The following INPP5D variants were observed in gnomAD, a reference collection of about 807,000 sequenced individuals.
The protein encoded by INPP5D is phosphatidylinositol 3,4,5-trisphosphate 5-phosphatase 1.
A neutral mutation model predicts 122.9 loss-of-function variants in INPP5D; 33 were observed. The ratio of observed to expected loss-of-function variants is 0.27; its 90% CI spans 0.20 to 0.36. INPP5D has a LOEUF of 0.36. INPP5D is among the 10% of genes least tolerant of loss of function. The probability of loss-of-function intolerance (pLI) is 1.00; values close to 1 mark genes in which losing one functional copy is unlikely to be tolerated. For synonymous variants in INPP5D, 584 were observed against 576.2 expected (o/e 1.01, Z -0.19); for missense variants, 1,053 against 1,412.7 (o/e 0.75, Z 4.08).
intron 18 of INPP5D, among the ~76,000 whole-genome samples, chr2:233,178,335 A>C (rs1694698104): frequency 6.6e-6 from 1 of 152,156 alleles, no homozygotes; most frequent in Non-Finnish European, 1.5e-5. Context: ...AGGAGTTCTT[A>C]ATTGCCTGAA....
chr2:233,204,304 G>A lies in INPP5D; in HGVS notation c.3154G>A (p.Glu1052Lys). The change falls in exon 26 of 27, where the codon GAA (glutamate) becomes AAA (lysine). Residue 1052 changes from glutamate (E) to lysine (K), a missense_variant. By Grantham distance (56) the Glu-to-Lys change is moderately conservative. This residue lies in a region of INPP5D where 417 missense variants were observed against 425.8 expected (regional missense o/e 0.98). Transcript: ENST00000445964. ...GCGGAAGGAACCCCCGCCCTGCCCG[G>A]AACCCGGCATCTTGTCGCCCAGCAT... ...MPRKEPPPCP[E>K]PGILSPSIVL... 1 of 1,612,518 alleles carries A rather than the reference G, an allele frequency of 6.2e-7. No homozygotes were observed.
intron 18 of INPP5D, among the ~76,000 whole-genome samples, chr2:233,179,266 ACT>A (rs1233155482): frequency 5.9e-5 from 9 of 151,904 alleles, no homozygotes; most frequent in African/African-American, 2.2e-4. Flanking sequence ...CACCCGTCGG[ACT>A]CTCCAGGCCT....
chr2:233,149,100 CTTTTTTT>C (rs556971192), intron 9 of INPP5D, among the ~76,000 whole-genome samples: 1 of 106,040 alleles, frequency 9.4e-6, no homozygotes, highest in Non-Finnish European at 1.8e-5. Context: ...TGATCAGCAC[CTTTTTTT>C]TTTTTTTTTT....
rs113797696 is a variant in INPP5D at position 233,094,608 on chromosome 2, C to T, written c.198+15210C>T. Among the ~76,000 whole-genome samples, 543 of 149,922 alleles carry T rather than the reference C, an allele frequency of 3.6e-3. 2 individuals carry two copies. Among genetic ancestry groups the T allele is most frequent in the African/African-American group, 0.013 (510 of 40,704 alleles). ...AGGCTCACATTACATTTTCACTGGGCATCATTGCTCTAGAACCTTGCTGCT... is the reference window on the plus strand; with the variant it reads ...AGGCTCACATTACATTTTCACTGGGTATCATTGCTCTAGAACCTTGCTGCT... On this transcript the variant is annotated intron_variant, in intron 2 of 26. Transcript: ENST00000445964.
chr2:233,145,019 G>T (rs1344265700), intron 6 of INPP5D, among the ~76,000 whole-genome samples: 1 of 152,012 alleles, frequency 6.6e-6, no homozygotes, highest in Non-Finnish European at 1.5e-5. Flanking sequence ...TGATAACCCT[G>T]GTTCCATTCT....
chr2:233,102,576 C>T (rs983727004), intron 2 of INPP5D, among the ~76,000 whole-genome samples: 3 of 151,324 alleles, frequency 2.0e-5, no homozygotes, highest in African/African-American at 4.9e-5. Context: ...CACAGCGCCT[C>T]GGTGGCTCAC....
intron 2 of INPP5D, among the ~76,000 whole-genome samples, chr2:233,116,225 G>GTAGATAGATAGATAGATAGA (rs1553575234): frequency 0.013 from 1,804 of 133,748 alleles, 37 homozygotes; most frequent in African/African-American, 0.032. Flanking sequence ...AGATATATAT[G>GTAGATAGATAGATAGATAGA]TAGATAGATA....
chr2:233,203,382 T>C (rs1006716406), intron 25 of INPP5D, among the ~76,000 whole-genome samples: 12 of 152,306 alleles, frequency 7.9e-5, no homozygotes, highest in African/African-American at 2.2e-4. Flanking sequence ...TGAGGTGCCA[T>C]GTAAGTTCTC....
intron 25 of INPP5D, among the ~76,000 whole-genome samples, chr2:233,198,888 T>C (rs1695256938): frequency 6.6e-6 from 1 of 150,720 alleles, no homozygotes. Context: ...AGGTGGAGGT[T>C]GCGGTGCGCC....
In INPP5D at chr2:233,100,113, G is replaced by A. The variant is rs1692268548; in HGVS notation, c.198+20715G>A. ...AGTTACAATTCAAGATGAGATTTGG[G>A]TGGGGACACAGTCAAACCATATCAG... On this transcript the variant is annotated intron_variant, in intron 2 of 26. Transcript: ENST00000445964. The surrounding 1 kb of genome is among the most constrained non-coding windows in gnomAD (Gnocchi z 5.3). 6.6e-6 allele frequency among the ~76,000 whole-genome samples: 1 copy of A among 152,174 alleles called. No homozygotes were observed. Among genetic ancestry groups the A allele is most frequent in the African/African-American group, 2.4e-5 (1 of 41,428 alleles).
At chr2:233,174,896 C>T (rs1559334777) in intron 17 of INPP5D, among the ~76,000 whole-genome samples, 1 of 151,330 alleles carries the variant, frequency 6.6e-6, no homozygotes, top group Non-Finnish European at 1.5e-5. Context: ...GGTGTGTGTT[C>T]AAGAGAAATT....
intron 9 of INPP5D, among the ~76,000 whole-genome samples, chr2:233,156,712 GGTT>G (rs1303227158): frequency 6.6e-6 from 1 of 152,226 alleles, no homozygotes; most frequent in Non-Finnish European, 1.5e-5. Flanking sequence ...TGTGAAATGT[GGTT>G]GTTAACTGGC....
chr2:233,152,643 C>A (rs189599881), intron 9 of INPP5D, among the ~76,000 whole-genome samples: 1 of 152,100 alleles, frequency 6.6e-6, no homozygotes, highest in Non-Finnish European at 1.5e-5. Flanking sequence ...TGAACCGAGA[C>A]CTGAGTGTCA....
rs746681149 is a variant in INPP5D at position 233,184,511 on chromosome 2, C to T, written c.2265C>T (p.Ser755=). 2.9e-5 allele frequency: 47 copies of T among 1,613,862 alleles called. 1 individual carries two copies. The Admixed American group carries it at 7.7e-4, about 26-fold the overall frequency. Residue 755 remains serine (S), a synonymous_variant, in exon 20 of 27, where the codon AGC becomes AGT. Transcript: ENST00000445964. The part of the protein sequence containing the change: ...QTKFYLEFHS[S]CLESFVKSQE... ...AATTCTACCTGGAGTTCCACTCGAG[C>T]TGCTTGGAGAGTAAGTGGCTGCTGA... is the stretch of plus-strand genomic sequence containing the variant.
rs570885708 is a variant in INPP5D at position 233,100,140 on chromosome 2, G to C, written c.198+20742G>C. On this transcript the variant is annotated intron_variant, in intron 2 of 26. Coordinates refer to ENST00000445964, the MANE Select transcript of INPP5D (RefSeq NM_001017915.3). This position sits in a 1 kb window ranked among gnomAD's most constrained non-coding sequence, Gnocchi z 5.3. Reference sequence around the variant, plus strand: ...GGGGACACAGTCAAACCATATCAGAGTGGAAGCATTCCCTTTCAATGGGGC... The same window carrying C: ...GGGGACACAGTCAAACCATATCAGACTGGAAGCATTCCCTTTCAATGGGGC... Among the ~76,000 whole-genome samples, 38 of 152,316 alleles carry C rather than the reference G, an allele frequency of 2.5e-4. No homozygotes were observed. In the South Asian group the frequency reaches 7.5e-3, roughly 30 times the overall value.
chr2:233,080,429 G>GT (rs1559278834), intron 2 of INPP5D, among the ~76,000 whole-genome samples: 1 of 53,938 alleles, frequency 1.9e-5, no homozygotes, highest in African/African-American at 4.7e-5. Context: ...TCCACATCCC[G>GT]GGTGTGTGTG....
intron 1 of INPP5D, among the ~76,000 whole-genome samples, chr2:233,066,683 T>C (rs1176850169): frequency 1.3e-5 from 2 of 152,226 alleles, no homozygotes; most frequent in Non-Finnish European, 2.9e-5. Flanking sequence ...CTCGGCGCAC[T>C]GCAACCTCTG....
At chr2:233,086,983 A>T (rs989432174) in intron 2 of INPP5D, among the ~76,000 whole-genome samples, 1 of 152,076 alleles carries the variant, frequency 6.6e-6, no homozygotes, top group Admixed American at 6.6e-5. Flanking sequence ...TGGGCTCAAC[A>T]TCTCTTTCTC....
In INPP5D at chr2:233,169,646, G is replaced by A. The variant is rs189091449; in HGVS notation, c.1652+245G>A. On this transcript the variant is annotated intron_variant, in intron 14 of 26. Transcript: ENST00000445964. ...CCTTGTGTCATTAGCCTGATGGACC[G>A]CTAACTAGCACTGTTTCTAAAGCAG... is the stretch of plus-strand genomic sequence containing the variant. 203 of 610,690 alleles carry A rather than the reference G, an allele frequency of 3.3e-4. 1 individual carries two copies. Among genetic ancestry groups the A allele is most frequent in the African/African-American group, 2.1e-3 (114 of 54,374 alleles). The allele number at this position is 610,690 out of a possible 1,614,324, so 37.8% of individuals were successfully genotyped here. A position where few individuals can be genotyped will look rare whatever the true frequency, so the allele number is the denominator to read the frequency against.
Sources: allele counts gnomAD v4.1 joint callset (sites outside exome capture counted in the v4.1 genomes callset), GRCh38; gene constraint gnomAD v4.1.1; regional missense constraint gnomAD v4.1.1; non-coding constraint Gnocchi (gnomAD v3.1); transcripts MANE v1.5; gene names NCBI Gene and HGNC (gene_info 2026-07-23, HGNC 2026-07-21).